ASXL2: variants seen among roughly 807,000 people sequenced by gnomAD.
The protein encoded by ASXL2 is putative Polycomb group protein ASXL2.
ASXL2 carries 23 observed loss-of-function variants against 122.0 expected under a neutral mutation model. The ratio of observed to expected loss-of-function variants is 0.19; its 90% CI spans 0.14 to 0.27. The LOEUF is 0.27. Ranked by LOEUF, ASXL2 falls within the 10% of genes least tolerant of loss-of-function variation. ASXL2 has a pLI of 1.00. For missense variants in ASXL2, 1,518 were observed against 1,713.8 expected (o/e 0.89, Z 2.02); for synonymous variants, 650 against 637.0 (o/e 1.02, Z -0.31).
At position 25,878,241 on chromosome 2, in the gene ASXL2, T is replaced by A. The variant is rs1202198640; in HGVS notation, c.-19A>T. 1 of 1,613,260 alleles carries A rather than the reference T, an allele frequency of 6.2e-7. No homozygotes were observed. The highest frequency in any genetic ancestry group is 1.3e-5 in the African/African-American group (1 of 74,890). ...CCCTCATGTCGGGTCTTGAACTGACTGGGAGGCTCCCGTGTCCGGGCTCCG... is the reference window on the plus strand; with the variant it reads ...CCCTCATGTCGGGTCTTGAACTGACAGGGAGGCTCCCGTGTCCGGGCTCCG... On this transcript the variant is annotated 5_prime_UTR_variant, in exon 1 of 13. Transcript: ENST00000435504.
chr2:25,799,527 C>A lies in ASXL2; in HGVS notation c.261G>T (p.Val87=). The A allele has an allele frequency of 1.2e-6, 2 of 1,610,524 alleles. No homozygotes were observed. The highest frequency in any genetic ancestry group is 4.5e-5 in the East Asian group (2 of 44,842). ...CTGACAGCTCTTTCACCCCATCCGG[C>A]ACATCTTTCTGAAAATGTAGGCATC... is the stretch of plus-strand genomic sequence containing the variant. The part of the protein sequence containing the change: ...RMGVYTLKKD[V]PDGVKELSEG... Residue 87 remains valine (V), a synonymous_variant, in exon 5 of 13, where the codon GTG becomes GTT. Transcript: ENST00000435504.
chr2:25,767,033 T>C (rs1182307578), intron 8 of ASXL2, among the ~76,000 whole-genome samples: 1 of 152,202 alleles, frequency 6.6e-6, no homozygotes, highest in Non-Finnish European at 1.5e-5. Flanking sequence ...TTTTCATCTC[T>C]CAAAATTTGC....
At chr2:25,843,447 C>T (rs1018554300) in intron 2 of ASXL2, among the ~76,000 whole-genome samples, 2 of 152,172 alleles carry the variant, frequency 1.3e-5, no homozygotes, top group Non-Finnish European at 2.9e-5. Context: ...CCTTCAAATG[C>T]ATTTTAATGT....
intron 1 of ASXL2, among the ~76,000 whole-genome samples, chr2:25,862,787 G>T (rs577096855): frequency 4.6e-5 from 7 of 151,272 alleles, no homozygotes; most frequent in Admixed American, 1.3e-4. Flanking sequence ...TTTACTTTCA[G>T]TAGACATAGG....
intron 1 of ASXL2, among the ~76,000 whole-genome samples, chr2:25,863,152 A>AC (rs548002186): frequency 4.1e-4 from 62 of 151,318 alleles, no homozygotes; most frequent in African/African-American, 1.4e-3. Context: ...ACACGGTAAA[A>AC]CCCCATCTCT....
intron 5 of ASXL2, among the ~76,000 whole-genome samples, chr2:25,792,184 A>G (rs2088844939): frequency 6.6e-6 from 1 of 152,172 alleles, no homozygotes; most frequent in Admixed American, 6.5e-5. Context: ...TATTTTTTGT[A>G]GAGACAGGAG....
intron 1 of ASXL2, among the ~76,000 whole-genome samples, chr2:25,850,817 A>C (rs2089706456): frequency 6.6e-6 from 1 of 152,114 alleles, no homozygotes; most frequent in South Asian, 2.1e-4. Context: ...GCTTTCCACT[A>C]TCTATTTGGT....
chr2:25,755,993 G>A (rs772428047), intron 10 of ASXL2, 25 bp downstream of exon 10: 1 of 1,582,412 alleles, frequency 6.3e-7, no homozygotes, highest in East Asian at 2.2e-5. Context: ...CACCACCTGG[G>A]AGACACATTA....
At chr2:25,866,271 C>T (rs992072929) in intron 1 of ASXL2, among the ~76,000 whole-genome samples, 11 of 151,868 alleles carry the variant, frequency 7.2e-5, no homozygotes, top group Non-Finnish European at 1.2e-4. Context: ...GCTGGGACTA[C>T]GGGTGCATGC....
At chr2:25,824,386 A>T (rs1047783686) in intron 3 of ASXL2, among the ~76,000 whole-genome samples, 8 of 152,150 alleles carry the variant, frequency 5.3e-5, no homozygotes, top group Non-Finnish European at 7.4e-5. Flanking sequence ...AGTTTCCATA[A>T]GAAAGAAGTA....
intron 1 of ASXL2, among the ~76,000 whole-genome samples, chr2:25,876,406 T>A (rs1386161557): frequency 6.6e-6 from 1 of 152,172 alleles, no homozygotes; most frequent in Non-Finnish European, 1.5e-5. Flanking sequence ...TAGAAACTTG[T>A]GTAATATTAG....
chr2:25,753,421 C>CA, intron 11 of ASXL2, 113 bp downstream of exon 11: 1 of 656,834 alleles, frequency 1.5e-6, no homozygotes, highest in Non-Finnish European at 2.4e-6. Context: ...CAAAATAAAA[C>CA]AAAACAGAAG....
chr2:25,791,728 G>GT (rs2088837638), intron 5 of ASXL2, among the ~76,000 whole-genome samples: 1 of 152,122 alleles, frequency 6.6e-6, no homozygotes, highest in Non-Finnish European at 1.5e-5. Context: ...GAGAAGAATA[G>GT]TATCTTAGAA....
At chr2:25,808,058 C>T (rs958684099) in intron 3 of ASXL2, among the ~76,000 whole-genome samples, 3 of 147,060 alleles carry the variant, frequency 2.0e-5, no homozygotes, top group Non-Finnish European at 3.0e-5. Context: ...GACTTAGGGC[C>T]AAAAATCTAT....
In ASXL2 at chr2:25,860,572, G is replaced by A. The variant is rs536202128; in HGVS notation, c.58-15009C>T. Among the ~76,000 whole-genome samples the A allele has an allele frequency of 9.8e-4, 148 of 151,558 alleles. 1 individual carries two copies. The highest frequency in any genetic ancestry group is 3.1e-3 in the African/African-American group (130 of 41,290). ...TACTAAAAATACAAAAATGCCGGGC[G>A]TGGTGGCACATGCCTGTAATGGTAG... On this transcript the variant is annotated intron_variant, in intron 1 of 12. Coordinates refer to ENST00000435504, the MANE Select transcript of ASXL2 (RefSeq NM_018263.6).
rs951765890 is a variant in ASXL2 at position 25,753,520 on chromosome 2, T to C, written c.1142+14A>G. On this transcript the variant is annotated intron_variant, in intron 11 of 12. Transcript: ENST00000435504. ...GAATTAACATTTGGTTTATAGAACC[T>C]GTCCTAATATTACCTCTGCCCATAG... 13 of 1,597,150 alleles carry C rather than the reference T, an allele frequency of 8.1e-6. No homozygotes were observed. Among genetic ancestry groups the C allele is most frequent in the African/African-American group, 1.3e-5 (1 of 74,532 alleles).
At chr2:25,798,352 T>C (rs1167281196) in intron 5 of ASXL2, among the ~76,000 whole-genome samples, 5 of 152,146 alleles carry the variant, frequency 3.3e-5, no homozygotes, top group Non-Finnish European at 7.3e-5. Flanking sequence ...AAATGACTTA[T>C]CAACCCATGA....
chr2:25,874,385 A>T (rs2089994595), intron 1 of ASXL2, among the ~76,000 whole-genome samples: 1 of 152,168 alleles, frequency 6.6e-6, no homozygotes, highest in Non-Finnish European at 1.5e-5. Flanking sequence ...GCTACTTGGG[A>T]AGCTGAGCTG....
intron 2 of ASXL2, among the ~76,000 whole-genome samples, chr2:25,842,723 G>A (rs13392329): frequency 2.0e-5 from 3 of 150,510 alleles, no homozygotes; most frequent in Admixed American, 6.6e-5. Flanking sequence ...TAGATAGATA[G>A]ATGTATATAT....
Sources: allele counts gnomAD v4.1 joint callset (sites outside exome capture counted in the v4.1 genomes callset), GRCh38; gene constraint gnomAD v4.1.1; transcripts MANE v1.5; gene names NCBI Gene and HGNC (gene_info 2026-07-23, HGNC 2026-07-21).